The following VAC14 variants were observed in gnomAD, a reference collection of about 807,000 sequenced individuals.
VAC14 encodes VAC14 component of PIKFYVE complex, also known as protein VAC14 homolog.
VAC14 carries 47 observed loss-of-function variants against 85.3 expected under a neutral mutation model. The observed-to-expected ratio is 0.55, with a 90% CI of 0.44 to 0.70. The LOEUF is 0.70. Ranked by LOEUF, VAC14 falls within the 30% of genes least tolerant of loss-of-function variation. VAC14 has a pLI of 0.00. For missense variants in VAC14, 861 were observed against 1,004.3 expected, an observed-to-expected ratio of 0.86 and a Z score of 1.93; for synonymous variants, 447 against 430.5, an observed-to-expected ratio of 1.04 and a Z score of -0.47.
At position 70,748,020 on chromosome 16, in the gene VAC14, T is replaced by C. The variant is rs118175893; in HGVS notation, c.1372-3441A>G. The C allele has an allele frequency of 1.2e-3, 180 of 151,776 alleles. 1 individual carries two copies. In the Middle Eastern group the frequency reaches 0.014, roughly 11 times the overall value. 9.4% of individuals were successfully genotyped at this position (151,776 alleles called of 1,614,324 possible). A position where few individuals can be genotyped will look rare whatever the true frequency, so the allele number is the denominator to read the frequency against. On this transcript the variant is annotated intron_variant, in intron 12 of 18. Coordinates refer to ENST00000261776, the MANE Select transcript of VAC14 (RefSeq NM_018052.5). ...TGTCCTCGCTCCCGGCCACAATGAA[T>C]GCCCTCACTTGTCACCAGTCTCACC...
At chr16:70,697,746 G>A (rs942641568) in intron 15 of VAC14, among the ~76,000 whole-genome samples, 7 of 152,200 alleles carry the variant, frequency 4.6e-5, no homozygotes, top group African/African-American at 1.7e-4. Flanking sequence ...CCTTGCCCCC[G>A]AGGAAAATTC....
intron 1 of VAC14, among the ~76,000 whole-genome samples, chr16:70,787,554 C>A (rs1449412755): frequency 1.3e-5 from 2 of 152,142 alleles, no homozygotes; most frequent in African/African-American, 4.8e-5. Context: ...TTTTCAGAGC[C>A]CCATGGACAC....
chr16:70,750,589 C>T (rs142703432), intron 12 of VAC14, among the ~76,000 whole-genome samples: 207 of 152,068 alleles, frequency 1.4e-3, no homozygotes, highest in Admixed American at 2.0e-3. Context: ...GTGCTCAGGG[C>T]GAGGGGAGAG....
chr16:70,700,373 A>C (rs1043079796), intron 14 of VAC14: 2 of 152,024 alleles, frequency 1.3e-5, no homozygotes, highest in African/African-American at 4.8e-5. Flanking sequence ...TGCCACCAGG[A>C]CCCTGCCATG....
intron 1 of VAC14, among the ~76,000 whole-genome samples, chr16:70,787,450 G>A (rs1416916295): frequency 6.6e-6 from 1 of 152,186 alleles, no homozygotes; most frequent in Non-Finnish European, 1.5e-5. Context: ...GGGAGGGAGG[G>A]GCTGCTGGTC....
chr16:70,762,998 G>T lies in VAC14; in HGVS notation c.1188C>A (p.His396Gln), dbSNP rs749476673. Residue 396 changes from histidine (H) to glutamine (Q), a missense_variant, in exon 11 of 19, where the codon CAC (histidine) becomes CAA (glutamine). Transcript: ENST00000261776. This position sits in a 1 kb window ranked among gnomAD's most constrained non-coding sequence, Gnocchi z 4.1. The part of the protein sequence containing the change: ...ASTERAPVTL[H>Q]LDGIVQVLNC... ...TTAGGACCTGCACGATCCCGTCGAG[G>T]TGAAGGGTCACTGGGGCTCTTTCAG... is the stretch of plus-strand genomic sequence containing the variant. The T allele has an allele frequency of 3.7e-6, 6 of 1,614,128 alleles. No homozygotes were observed. The highest frequency in any genetic ancestry group is 5.1e-6 in the Non-Finnish European group (6 of 1,180,056).
intron 1 of VAC14, among the ~76,000 whole-genome samples, chr16:70,793,194 G>A (rs764634282): frequency 1.2e-4 from 19 of 152,210 alleles, no homozygotes; most frequent in South Asian, 2.1e-4. Context: ...CCATACACAG[G>A]GAGTACAGAG....
At chr16:70,689,319 C>G in intron 18 of VAC14, 2 of 985,480 alleles carry the variant, frequency 2.0e-6, no homozygotes, top group Non-Finnish European at 2.4e-6. Context: ...TTCTGCCCCT[C>G]CAACGTGAGG....
intron 13 of VAC14, among the ~76,000 whole-genome samples, chr16:70,739,581 C>T (rs1018961719): frequency 6.6e-6 from 1 of 152,092 alleles, no homozygotes; most frequent in African/African-American, 2.4e-5. Context: ...GCTCTCGGGC[C>T]AGGCTCCTGG....
rs2034175545 is a variant in VAC14 at position 70,788,532 on chromosome 16, AGCGTACTAAGGCCTG to A, written c.105-2182_105-2168del. 2.0e-5 allele frequency among the ~76,000 whole-genome samples: 3 copies of A among 152,322 alleles called. 1 individual carries two copies. Among genetic ancestry groups the A allele is most frequent in the African/African-American group, 7.2e-5 (3 of 41,574 alleles). ...GTTCATAGGCCTCAACTCTCAAAAC[AGCGTACTAAGGCCTG>A]GCAAGGATGGTTCTACATCAACTTG... On this transcript the variant is annotated intron_variant, in intron 1 of 18. Coordinates refer to ENST00000261776, the MANE Select transcript of VAC14 (RefSeq NM_018052.5).
intron 10 of VAC14, chr16:70,770,509 A>T (rs745318677): frequency 3.3e-5 from 5 of 152,200 alleles, no homozygotes; most frequent in Admixed American, 6.5e-5. Context: ...AAGGTTTAGC[A>T]CTGCGCTGGG....
chr16:70,744,160 G>T (rs2030638515), intron 13 of VAC14, among the ~76,000 whole-genome samples: 1 of 152,184 alleles, frequency 6.6e-6, no homozygotes, highest in Admixed American at 6.5e-5. Context: ...TTTATGTTTA[G>T]CCAATGGCTC....
At chr16:70,697,390 T>A in intron 15 of VAC14, 133 bp from the exon 16 acceptor site, 1 of 656,610 alleles carries the variant, frequency 1.5e-6, no homozygotes, top group East Asian at 2.8e-5. Context: ...AGAGCCAGCT[T>A]AGCACCCCGG....
chr16:70,769,088 T>C (rs1458991381), intron 10 of VAC14: 3 of 228,640 alleles, frequency 1.3e-5, no homozygotes, highest in South Asian at 4.8e-5. Flanking sequence ...AATGCTGGGA[T>C]TATAAGCGTG....
At chr16:70,755,894 C>A in intron 12 of VAC14, 1 of 406,624 alleles carries the variant, frequency 2.5e-6, no homozygotes, top group African/African-American at 2.0e-5. Context: ...CACCTGGGAA[C>A]CTAGGGGCAC....
At chr16:70,761,039 G>C (rs1268404602) in intron 12 of VAC14, 41 of 352,700 alleles carry the variant, frequency 1.2e-4, no homozygotes, top group Admixed American at 1.2e-3. Flanking sequence ...GCGGGGGGTA[G>C]GCAGGAGAGG....
At chr16:70,736,181 C>T (rs2054745325) in intron 13 of VAC14, among the ~76,000 whole-genome samples, 1 of 152,172 alleles carries the variant, frequency 6.6e-6, no homozygotes, top group Non-Finnish European at 1.5e-5. Flanking sequence ...GTGTTTAAGC[C>T]TCAGTTTCCT....
chr16:70,754,630 G>A (rs944937775), intron 12 of VAC14, among the ~76,000 whole-genome samples: 20 of 152,184 alleles, frequency 1.3e-4, no homozygotes, highest in African/African-American at 7.2e-5. Flanking sequence ...GCCTCAGGAA[G>A]AGGGTCCCCG....
intron 12 of VAC14, 177 bp from the exon 13 acceptor site, chr16:70,744,756 A>G (rs901243481): frequency 1.5e-6 from 1 of 654,082 alleles, no homozygotes; most frequent in Non-Finnish European, 2.4e-6. Flanking sequence ...AAAGTGAAAC[A>G]AAGTATCCAG....
Sources: allele counts gnomAD v4.1 joint callset (sites outside exome capture counted in the v4.1 genomes callset), GRCh38; gene constraint gnomAD v4.1.1; non-coding constraint Gnocchi (gnomAD v3.1); transcripts MANE v1.5; gene names NCBI Gene and HGNC (gene_info 2026-07-23, HGNC 2026-07-21).